NELL1: variants seen among roughly 807,000 people sequenced by gnomAD.
The protein encoded by NELL1 is neural EGFL like 1.
NELL1 carries 76 observed loss-of-function variants against 107.4 expected under a neutral mutation model. That is an observed-to-expected ratio of 0.71 (90% CI 0.59 to 0.86). The LOEUF is 0.86. NELL1 is among the 40% of genes least tolerant of loss of function. The pLI is 0.00. For missense variants in NELL1, 1,024 were observed against 1,005.5 expected (o/e 1.02, Z -0.25); for synonymous variants, 353 against 341.2 (o/e 1.03, Z -0.38).
chr11:20,971,938 C>A (rs560492591), intron 12 of NELL1, among the ~76,000 whole-genome samples: 40 of 151,762 alleles, frequency 2.6e-4, no homozygotes, highest in African/African-American at 9.4e-4. Flanking sequence ...GAAAACCAAA[C>A]ACCGCATGTT....
intron 15 of NELL1, among the ~76,000 whole-genome samples, chr11:21,442,349 A>G (rs1402014453): frequency 6.6e-6 from 1 of 152,168 alleles, no homozygotes; most frequent in African/African-American, 2.4e-5. Context: ...ACGGTAGAAA[A>G]TACGGCTTAT....
intron 16 of NELL1, among the ~76,000 whole-genome samples, chr11:21,544,117 T>G (rs77386834): frequency 6.6e-6 from 1 of 151,894 alleles, no homozygotes; most frequent in Admixed American, 6.6e-5. Context: ...TACAGGCATA[T>G]GGGGAGCCAG....
Position 21,304,998 on chromosome 11 carries a change from G to A in NELL1, c.1550-65855G>A, listed in dbSNP as rs915247160. 2.0e-5 allele frequency among the ~76,000 whole-genome samples: 3 copies of A among 151,832 alleles called. No homozygotes were observed. In the East Asian group the frequency reaches 5.8e-4, roughly 29 times the overall value. ...TGTGGGGAAACAATAAAAGAAGATG[G>A]GACTGTAGGCAGGATGCACAATTAA... On this transcript the variant is annotated intron_variant, in intron 14 of 19. Coordinates refer to ENST00000357134, the MANE Select transcript of NELL1 (RefSeq NM_006157.5).
chr11:20,959,046 C>G (rs746155791), intron 11 of NELL1, among the ~76,000 whole-genome samples: 1 of 152,194 alleles, frequency 6.6e-6, no homozygotes, highest in Non-Finnish European at 1.5e-5. Context: ...TGCTGATCCT[C>G]CTGCTTTGTC....
chr11:21,232,160 A>ATATATATATATG (rs1858076853), intron 14 of NELL1, among the ~76,000 whole-genome samples: 5 of 74,614 alleles, frequency 6.7e-5, no homozygotes, highest in Non-Finnish European at 1.4e-4. Flanking sequence ...AAAAAAAAAA[A>ATATATATATATG]TATATATATA....
At chr11:20,910,524 T>A (rs1850105480) in intron 5 of NELL1, among the ~76,000 whole-genome samples, 1 of 152,224 alleles carries the variant, frequency 6.6e-6, no homozygotes, top group Non-Finnish European at 1.5e-5. Flanking sequence ...GCTGGCTTCA[T>A]GGGCCATCAA....
At chr11:21,433,841 A>G (rs995386784) in intron 15 of NELL1, among the ~76,000 whole-genome samples, 2 of 151,862 alleles carry the variant, frequency 1.3e-5, no homozygotes, top group Non-Finnish European at 2.9e-5. Flanking sequence ...ATGCCCAGCT[A>G]ATTTTGAACT....
intron 14 of NELL1, among the ~76,000 whole-genome samples, chr11:21,307,045 T>C (rs1849620616): frequency 6.6e-6 from 1 of 152,114 alleles, no homozygotes; most frequent in South Asian, 2.1e-4. Flanking sequence ...GATTTCCTAT[T>C]CATTTAAGTA....
At chr11:21,384,725 C>A (rs901773446) in intron 15 of NELL1, among the ~76,000 whole-genome samples, 9 of 151,870 alleles carry the variant, frequency 5.9e-5, no homozygotes, top group African/African-American at 2.2e-4. Flanking sequence ...CGATAGTTTA[C>A]TGAGAATGAT....
chr11:21,064,309 T>TA (rs1162793341), intron 12 of NELL1, among the ~76,000 whole-genome samples: 1 of 152,144 alleles, frequency 6.6e-6, no homozygotes, highest in African/African-American at 2.4e-5. Flanking sequence ...GCTGCTGTGG[T>TA]AAAAACGGAC....
intron 15 of NELL1, among the ~76,000 whole-genome samples, chr11:21,445,266 G>A (rs1422688723): frequency 6.6e-6 from 1 of 151,972 alleles, no homozygotes; most frequent in Non-Finnish European, 1.5e-5. Context: ...CTATACCAGT[G>A]AGTTGGTTTT....
intron 15 of NELL1, among the ~76,000 whole-genome samples, chr11:21,500,685 A>T (rs183994719): frequency 2.0e-4 from 30 of 152,264 alleles, no homozygotes; most frequent in African/African-American, 7.2e-4. Context: ...TAGCAGTGAC[A>T]TAATACTGTG....
chr11:21,015,104 G>A (rs1480321128), intron 12 of NELL1, among the ~76,000 whole-genome samples: 3 of 151,922 alleles, frequency 2.0e-5, no homozygotes, highest in Non-Finnish European at 2.9e-5. Context: ...CTTTTGACAC[G>A]TCTTCTTTCT....
chr11:21,328,006 G>A (rs1358067802), intron 14 of NELL1, among the ~76,000 whole-genome samples: 1 of 152,154 alleles, frequency 6.6e-6, no homozygotes, highest in African/African-American at 2.4e-5. Context: ...GTGATGATGT[G>A]TTAGAAAAGA....
chr11:21,313,272 T>C (rs1461690091), intron 14 of NELL1, among the ~76,000 whole-genome samples: 1 of 152,138 alleles, frequency 6.6e-6, no homozygotes, highest in African/African-American at 2.4e-5. Flanking sequence ...ATGCATGTTT[T>C]GTTTCCATGT....
At chr11:21,420,771 G>A (rs1467427530) in intron 15 of NELL1, among the ~76,000 whole-genome samples, 1 of 152,156 alleles carries the variant, frequency 6.6e-6, no homozygotes, top group Admixed American at 6.6e-5. Flanking sequence ...AAAGCAGGGT[G>A]AGAGTATATA....
intron 2 of NELL1, among the ~76,000 whole-genome samples, chr11:20,766,647 C>T (rs1296340377): frequency 1.3e-5 from 2 of 152,140 alleles, no homozygotes; most frequent in African/African-American, 4.8e-5. Flanking sequence ...GGCATCCCTT[C>T]TCTCTCAATC....
chr11:21,319,392 G>A (rs1440913525), intron 14 of NELL1, among the ~76,000 whole-genome samples: 1 of 150,682 alleles, frequency 6.6e-6, no homozygotes, highest in African/African-American at 2.4e-5. Flanking sequence ...TTTTCACCAT[G>A]TTGGCCAGGT....
intron 3 of NELL1, among the ~76,000 whole-genome samples, chr11:20,842,426 T>G (rs1590342007): frequency 2.0e-5 from 3 of 148,080 alleles, no homozygotes; most frequent in African/African-American, 7.5e-5. Flanking sequence ...CTTTCCAGAG[T>G]GATGAGATTA....
Sources: gnomAD v4.1 joint callset for allele counts (sites outside exome capture counted in the v4.1 genomes callset) on GRCh38, gnomAD v4.1.1 for gene constraint, MANE v1.5 for transcripts, NCBI Gene and HGNC (gene_info 2026-07-23, HGNC 2026-07-21) for gene names.